The following TF variants were observed in gnomAD, a reference collection of about 807,000 sequenced individuals.
The protein encoded by TF is transferrin.
TF carries 55 observed loss-of-function variants against 82.4 expected under a neutral mutation model. That is an observed-to-expected ratio of 0.67 (90% CI 0.54 to 0.84). The LOEUF is 0.84. Among genes scored for constraint, TF ranks in the 40% least tolerant of loss-of-function variants. The probability of loss-of-function intolerance (pLI) is 0.00; values close to 1 mark genes in which losing one functional copy is unlikely to be tolerated. For missense variants in TF, 737 were observed against 868.4 expected (o/e 0.85, Z 1.90); for synonymous variants, 332 against 332.6 (o/e 1.00, Z 0.02).
the TF span, among the ~76,000 whole-genome samples, chr3:133,708,485 C>T: frequency 1.1e-4 from 16 of 152,096 alleles, no homozygotes; most frequent in South Asian, 3.3e-3. Flanking sequence ...TGGGAGGGTC[C>T]TCTACTAGAG....
the TF span, among the ~76,000 whole-genome samples, chr3:133,712,325 C>T: frequency 1.3e-5 from 2 of 152,058 alleles, no homozygotes; most frequent in African/African-American, 4.8e-5. Flanking sequence ...GCAGCAGAGC[C>T]CAGAAAACAT....
At chr3:133,710,929 C>T in the TF span, among the ~76,000 whole-genome samples, 151 of 152,314 alleles carry the variant, frequency 9.9e-4, 2 homozygotes, top group East Asian at 0.021. Flanking sequence ...CTCTGCATCA[C>T]TCCTCAGGAA....
chr3:133,677,566 G>A, the TF span, among the ~76,000 whole-genome samples: 1 of 152,150 alleles, frequency 6.6e-6, no homozygotes, highest in African/African-American at 2.4e-5. Flanking sequence ...GAACCCGGGA[G>A]GCGGAGGTTT....
intron 3 of TF, 83 bp downstream of exon 3, chr3:133,753,786 A>G (rs1576357054): frequency 9.2e-7 from 1 of 1,092,446 alleles, no homozygotes; most frequent in Non-Finnish European, 1.4e-6. Flanking sequence ...CAGGTTTTGG[A>G]TATCAGATAT....
chr3:133,666,273 A>G, the TF span, among the ~76,000 whole-genome samples: 1 of 152,054 alleles, frequency 6.6e-6, no homozygotes, highest in African/African-American at 2.4e-5. Flanking sequence ...CCTGGGTTCA[A>G]GCGATTCTTC....
At chr3:133,738,568 C>T in the TF span, among the ~76,000 whole-genome samples, 4 of 135,778 alleles carry the variant, frequency 2.9e-5, no homozygotes, top group East Asian at 4.5e-4. Flanking sequence ...AAAACCCCAT[C>T]GTCTCAGTCC....
intron 1 of TF, 22 bp from the exon 2 acceptor site, chr3:133,748,390 A>T: frequency 6.2e-7 from 1 of 1,613,536 alleles, no homozygotes; most frequent in South Asian, 1.1e-5. Context: ...GGGCCCTTCC[A>T]CCTCTGGCCT....
At position 133,790,379 on chromosome 3, in the gene TF, A is replaced by G. The variant is rs1934802142; in HGVS notation, c.*11759A>G. The stretch of plus-strand genomic sequence containing the variant: ...AGTTAACACATAATTCTGTATACAA[A>G]ACATGCCAGAAAGTTTGTGTTATTA... On this transcript the variant is annotated 3_prime_UTR_variant, in exon 17 of 17. Coordinates refer to ENST00000402696, the MANE Select transcript of TF (RefSeq NM_001063.4). 6.6e-6 allele frequency: 1 copy of G among 152,250 alleles called. No homozygotes were observed. The highest frequency in any genetic ancestry group is 2.4e-5 in the African/African-American group (1 of 41,472). 9.4% of individuals were successfully genotyped at this position (152,250 alleles called of 1,614,324 possible).
At chr3:133,686,672 T>C in the TF span, among the ~76,000 whole-genome samples, 3 of 152,226 alleles carry the variant, frequency 2.0e-5, no homozygotes, top group East Asian at 5.8e-4. Context: ...CCAGTTAGAA[T>C]GGCGATCATT....
the TF span, among the ~76,000 whole-genome samples, chr3:133,709,183 C>G: frequency 6.6e-6 from 1 of 152,180 alleles, no homozygotes; most frequent in Non-Finnish European, 1.5e-5. Flanking sequence ...AACCTAACAT[C>G]TCCAAGAATT....
chr3:133,711,264 C>A, the TF span, among the ~76,000 whole-genome samples: 1 of 152,164 alleles, frequency 6.6e-6, no homozygotes, highest in African/African-American at 2.4e-5. Context: ...ATGATAAGCA[C>A]TAGGTAAATG....
Position 133,762,911 on chromosome 3 carries a change from CA to C in TF, c.1204-1268del, listed in dbSNP as rs766735912. Among the ~76,000 whole-genome samples, 56 of 152,344 alleles carry C rather than the reference CA, an allele frequency of 3.7e-4. No individual in the cohort carries two copies. In the South Asian group the frequency reaches 4.6e-3, roughly 12 times the overall value. ...AGGAAATTATTTGAAATGCATGTTT[CA>C]AACTGTGAGGCAAACTCCATTCTTC... On this transcript the variant is annotated intron_variant, in intron 9 of 16. Transcript: ENST00000402696.
At chr3:133,740,754 A>C in the TF span, among the ~76,000 whole-genome samples, 1 of 152,178 alleles carries the variant, frequency 6.6e-6, no homozygotes, top group Non-Finnish European at 1.5e-5. Flanking sequence ...TAATTTTTAC[A>C]ATATCAAGTC....
the TF span, among the ~76,000 whole-genome samples, chr3:133,674,567 A>G: frequency 1.3e-5 from 2 of 152,176 alleles, no homozygotes; most frequent in Middle Eastern, 3.2e-3. Flanking sequence ...ACGAGGCGCG[A>G]GAGTGGGGTG....
At chr3:133,770,968 A>T (rs1280927330) in intron 14 of TF, 1 of 266,788 alleles carries the variant, frequency 3.7e-6, no homozygotes, top group Non-Finnish European at 7.3e-6. Context: ...GTTGTCAGTT[A>T]TCCCAGTAAT....
the TF span, among the ~76,000 whole-genome samples, chr3:133,677,666 A>G: frequency 6.6e-6 from 1 of 151,810 alleles, no homozygotes; most frequent in Non-Finnish European, 1.5e-5. Context: ...ACAAAACACA[A>G]CAACAAAAAT....
At chr3:133,767,968 TAAA>T in intron 12 of TF, 58 bp from the exon 13 acceptor site, 4 of 1,608,996 alleles carry the variant, frequency 2.5e-6, no homozygotes, top group Non-Finnish European at 2.6e-6. Context: ...TGTTATCTCT[TAAA>T]TAAAAGCTGC....
At chr3:133,770,238 C>A (rs542996199) in intron 13 of TF, among the ~76,000 whole-genome samples, 64 of 152,240 alleles carry the variant, frequency 4.2e-4, no homozygotes, top group African/African-American at 1.5e-3. Flanking sequence ...TCCCTACTAT[C>A]CTTGTTGATG....
chr3:133,738,953 GA>G, the TF span, among the ~76,000 whole-genome samples: 2 of 152,070 alleles, frequency 1.3e-5, no homozygotes, highest in African/African-American at 4.8e-5. Flanking sequence ...CACAGAATTG[GA>G]AAAAACTACT....
Sources: allele counts gnomAD v4.1 joint callset (sites outside exome capture counted in the v4.1 genomes callset), GRCh38; gene constraint gnomAD v4.1.1; transcripts MANE v1.5; gene names NCBI Gene and HGNC (gene_info 2026-07-23, HGNC 2026-07-21).